Variants in LEMD3 observed in about 807,000 individuals in gnomAD.
LEMD3 encodes inner nuclear membrane protein Man1.
In LEMD3, 33 loss-of-function variants were observed where a neutral mutation model predicts 95.2. The ratio of observed to expected loss-of-function variants is 0.35; its 90% CI spans 0.26 to 0.46. LEMD3 has a LOEUF of 0.46. Among genes scored for constraint, LEMD3 ranks in the 20% least tolerant of loss-of-function variants. LEMD3 has a pLI of 1.00. For missense variants in LEMD3, 1,210 were observed against 1,192.8 expected (o/e 1.01, Z -0.21); for synonymous variants, 525 against 474.6 (o/e 1.11, Z -1.38).
intron 4 of LEMD3, among the ~76,000 whole-genome samples, chr12:65,223,833 C>T (rs1434700078): frequency 3.4e-4 from 43 of 125,650 alleles, no homozygotes; most frequent in South Asian, 1.0e-3. Flanking sequence ...TTTTTTGTGT[C>T]TTTTTTTTTT....
At position 65,181,159 on chromosome 12, in the gene LEMD3, A is replaced by G. The variant is rs183492280; in HGVS notation, c.1522+10041A>G. Among the ~76,000 whole-genome samples the G allele has an allele frequency of 6.7e-4, 102 of 152,254 alleles. 1 individual carries two copies. Among genetic ancestry groups the G allele is most frequent in the African/African-American group, 1.4e-3 (58 of 41,552 alleles). ...AGGTGAGGGGAATCTTGGGATATCTACTTCTTCTAGCCTCTGAGCTATGGC... is the reference window on the plus strand; with the variant it reads ...AGGTGAGGGGAATCTTGGGATATCTGCTTCTTCTAGCCTCTGAGCTATGGC... On this transcript the variant is annotated intron_variant, in intron 1 of 12. Coordinates refer to ENST00000308330, the MANE Select transcript of LEMD3 (RefSeq NM_014319.5).
At chr12:65,210,815 A>G (rs969279824) in intron 1 of LEMD3, 111 bp from the exon 2 acceptor site, 25 of 847,640 alleles carry the variant, frequency 2.9e-5, no homozygotes, top group African/African-American at 2.6e-4. Flanking sequence ...TTTGGTTCAC[A>G]TATTTATATC....
chr12:65,193,492 C>A (rs905443576), intron 1 of LEMD3, among the ~76,000 whole-genome samples: 2 of 152,040 alleles, frequency 1.3e-5, no homozygotes, highest in East Asian at 3.9e-4. Flanking sequence ...TTTTCCCTTA[C>A]CACTCACATG....
At chr12:65,221,736 C>CTTTTT (rs57423350) in intron 4 of LEMD3, among the ~76,000 whole-genome samples, 4 of 127,246 alleles carry the variant, frequency 3.1e-5, no homozygotes, top group African/African-American at 6.0e-5. Flanking sequence ...GAAAATCTCT[C>CTTTTT]TTTTTTTTTT....
chr12:65,231,138 ACTCTTTT>A (rs1870613697), intron 4 of LEMD3, among the ~76,000 whole-genome samples: 1 of 151,550 alleles, frequency 6.6e-6, no homozygotes, highest in Admixed American at 6.6e-5. Flanking sequence ...AAATGTTAAT[ACTCTTTT>A]TTTATAGTTA....
At chr12:65,212,736 A>G (rs1241625902) in intron 2 of LEMD3, among the ~76,000 whole-genome samples, 1 of 152,176 alleles carries the variant, frequency 6.6e-6, no homozygotes, top group East Asian at 1.9e-4. Context: ...AATTGCCTTT[A>G]TTTAATGAAA....
intron 1 of LEMD3, among the ~76,000 whole-genome samples, chr12:65,184,836 G>A (rs990664391): frequency 6.6e-6 from 1 of 152,238 alleles, no homozygotes; most frequent in African/African-American, 2.4e-5. Context: ...TGGAGTTAAC[G>A]TTGTTGGGTA....
intron 1 of LEMD3, among the ~76,000 whole-genome samples, chr12:65,202,306 CTG>C (rs1322687951): frequency 6.6e-6 from 1 of 152,124 alleles, no homozygotes; most frequent in Non-Finnish European, 1.5e-5. Context: ...GCGTGAACCA[CTG>C]CGCCTGGCCT....
chr12:65,225,771 G>T (rs533275438), intron 4 of LEMD3, among the ~76,000 whole-genome samples: 4 of 152,058 alleles, frequency 2.6e-5, no homozygotes, highest in Non-Finnish European at 4.4e-5. Context: ...TAGGAGAGAC[G>T]GGGTTTCACC....
intron 10 of LEMD3, among the ~76,000 whole-genome samples, chr12:65,244,974 C>T (rs1407825380): frequency 6.6e-6 from 1 of 151,786 alleles, no homozygotes; most frequent in Non-Finnish European, 1.5e-5. Flanking sequence ...TTAACTTTTA[C>T]AACTTTAATA....
At chr12:65,194,517 G>T (rs1869347664) in intron 1 of LEMD3, among the ~76,000 whole-genome samples, 1 of 152,026 alleles carries the variant, frequency 6.6e-6, no homozygotes, top group South Asian at 2.1e-4. Flanking sequence ...CTAGGTAGGG[G>T]CTACAAGGAC....
chr12:65,186,725 T>G (rs890934857), intron 1 of LEMD3, among the ~76,000 whole-genome samples: 4 of 151,620 alleles, frequency 2.6e-5, no homozygotes, highest in Admixed American at 6.6e-5. Context: ...GACACTGGTA[T>G]TACATCAGTA....
intron 1 of LEMD3, among the ~76,000 whole-genome samples, chr12:65,187,847 TTCTTA>T (rs1417349945): frequency 1.3e-5 from 2 of 152,118 alleles, no homozygotes; most frequent in Non-Finnish European, 2.9e-5. Context: ...AGGTTCTGAG[TTCTTA>T]TCTTTGTATT....
In LEMD3 at chr12:65,170,064, C is replaced by A; in HGVS notation, c.468C>A (p.Gly156=). Residue 156 remains glycine (G), a synonymous_variant, in exon 1 of 13, where the codon GGC becomes GGA. Transcript: ENST00000308330. ...VEASPRDQAG[G]GGRKDRASLQ... The stretch of plus-strand genomic sequence containing the variant: ...CCAGTCCCCGGGACCAGGCCGGCGG[C>A]GGCGGGAGGAAAGACCGGGCTTCGC... 1 of 1,510,472 alleles carries A rather than the reference C, an allele frequency of 6.6e-7. No homozygotes were observed. Among genetic ancestry groups the A allele is most frequent in the Non-Finnish European group, 8.8e-7 (1 of 1,137,544 alleles). 93.6% of individuals were successfully genotyped at this position (1,510,472 alleles called of 1,614,324 possible).
chr12:65,236,084 A>G (rs940693612), intron 4 of LEMD3, among the ~76,000 whole-genome samples: 2 of 152,228 alleles, frequency 1.3e-5, no homozygotes, highest in African/African-American at 2.4e-5. Context: ...ATAACTTACC[A>G]GTTTTATATT....
Position 65,170,874 on chromosome 12 carries a change from C to T in LEMD3, c.1278C>T (p.His426=). ...VAASSSLRIN[H]ANHTGSNHTY... ...CCTCTAGTTCACTCAGGATCAATCA[C>T]GCCAATCATACGGGCTCCAATCATA... is the stretch of plus-strand genomic sequence containing the variant. The change falls in exon 1 of 13, where the codon CAC becomes CAT. Residue 426 remains histidine, a synonymous_variant. Transcript: ENST00000308330. 6.2e-7 allele frequency: 1 copy of T among 1,614,238 alleles called. No homozygotes were observed. Among genetic ancestry groups the T allele is most frequent in the Non-Finnish European group, 8.5e-7 (1 of 1,180,046 alleles).
chr12:65,194,977 C>T (rs192829331), intron 1 of LEMD3, among the ~76,000 whole-genome samples: 1 of 139,258 alleles, frequency 7.2e-6, no homozygotes, highest in East Asian at 2.1e-4. Flanking sequence ...GGCCCAAGCC[C>T]CAGGAATGAC....
At chr12:65,219,748 A>G (rs1321321002) in intron 4 of LEMD3, among the ~76,000 whole-genome samples, 1 of 152,120 alleles carries the variant, frequency 6.6e-6, no homozygotes, top group Non-Finnish European at 1.5e-5. Context: ...CCACCATTTT[A>G]CTTTCTTCCT....
intron 1 of LEMD3, among the ~76,000 whole-genome samples, chr12:65,192,919 C>G (rs1378971064): frequency 1.3e-5 from 2 of 152,118 alleles, no homozygotes; most frequent in Non-Finnish European, 2.9e-5. Flanking sequence ...CAAAGCTAGC[C>G]ATTATCAAGT....
Sources: allele counts gnomAD v4.1 joint callset (sites outside exome capture counted in the v4.1 genomes callset), GRCh38; gene constraint gnomAD v4.1.1; transcripts MANE v1.5; gene names NCBI Gene and HGNC (gene_info 2026-07-23, HGNC 2026-07-21).